ROBO1: variants seen among roughly 807,000 people sequenced by gnomAD.
The protein encoded by ROBO1 is roundabout homolog 1.
ROBO1 carries 149 observed loss-of-function variants against 195.9 expected under a neutral mutation model. The ratio of observed to expected loss-of-function variants is 0.76; its 90% CI spans 0.67 to 0.87. ROBO1 has a LOEUF of 0.87. ROBO1 is among the 40% of genes least tolerant of loss of function. ROBO1 has a pLI of 0.00. For synonymous variants in ROBO1, 816 were observed against 733.2 expected (o/e 1.11, Z -1.82); for missense variants, 1,933 against 2,068.3 (o/e 0.93, Z 1.27).
chr3:78,904,597 G>T (rs1320391606), intron 4 of ROBO1, among the ~76,000 whole-genome samples: 1 of 151,530 alleles, frequency 6.6e-6, no homozygotes, highest in African/African-American at 2.4e-5. Flanking sequence ...CATGCTCTCA[G>T]TAAAGGTTGG....
chr3:79,652,547 T>G (rs1946042338), intron 1 of ROBO1, among the ~76,000 whole-genome samples: 1 of 152,134 alleles, frequency 6.6e-6, no homozygotes. Context: ...CAGAAGAATC[T>G]ATCGCACAGG....
rs1205851062 is a variant in ROBO1 at position 78,657,258 on chromosome 3, C to A, written c.2454G>T (p.Leu818=). 2.5e-6 allele frequency: 4 copies of A among 1,613,516 alleles called. No individual in the cohort carries two copies. Among genetic ancestry groups the A allele is most frequent in the Non-Finnish European group, 3.4e-6 (4 of 1,179,702 alleles). The change falls in exon 18 of 31, where the codon CTG becomes CTT. Residue 818 remains leucine (L), a synonymous_variant. Coordinates refer to ENST00000464233, the MANE Select transcript of ROBO1 (RefSeq NM_002941.4). ...TGATGTGGTATCGAGTTTCATTGCC[C>A]AGACACCAAACCTGTAAGAAGCACA... ...GMVQEYKVWC[L]GNETRYHINK... is the part of the protein sequence containing the mutation.
At chr3:78,957,428 A>C (rs544916597) in intron 3 of ROBO1, among the ~76,000 whole-genome samples, 3 of 152,154 alleles carry the variant, frequency 2.0e-5, no homozygotes, top group African/African-American at 4.8e-5. Flanking sequence ...GTGTGCACTT[A>C]ATCAATGCAT....
chr3:79,747,575 A>G (rs1443895909), intron 1 of ROBO1, among the ~76,000 whole-genome samples: 1 of 152,052 alleles, frequency 6.6e-6, no homozygotes, highest in Admixed American at 6.6e-5. Context: ...GCGGAGTTCC[A>G]GTTTAAACTG....
chr3:78,921,892 T>C (rs1188933059), intron 4 of ROBO1, among the ~76,000 whole-genome samples: 1 of 151,902 alleles, frequency 6.6e-6, no homozygotes, highest in Non-Finnish European at 1.5e-5. Context: ...GTTCAAGCGA[T>C]TCCCCTTCCT....
At chr3:78,828,424 G>T (rs2031836942) in intron 4 of ROBO1, among the ~76,000 whole-genome samples, 3 of 152,182 alleles carry the variant, frequency 2.0e-5, no homozygotes, top group African/African-American at 7.2e-5. Context: ...ATTTGAAAAT[G>T]TGTGTGCTTA....
In ROBO1 at chr3:79,353,303, G is replaced by A. The variant is rs116783226; in HGVS notation, c.89-227764C>T. 8.8e-3 allele frequency among the ~76,000 whole-genome samples: 1,341 copies of A among 152,058 alleles called. 7 individuals are homozygous for A. Among genetic ancestry groups the A allele is most frequent in the Non-Finnish European group, 0.014 (926 of 67,970 alleles). On this transcript the variant is annotated intron_variant, in intron 2 of 30. Coordinates refer to ENST00000464233, the MANE Select transcript of ROBO1 (RefSeq NM_002941.4). The stretch of plus-strand genomic sequence containing the variant: ...CTCTTACATGGGAAATGCTATAATA[G>A]ATATATGATTAAGGTAGAAATATAG...
chr3:79,431,107 C>A (rs549714049), intron 2 of ROBO1, among the ~76,000 whole-genome samples: 3 of 152,126 alleles, frequency 2.0e-5, no homozygotes, highest in Non-Finnish European at 4.4e-5. Flanking sequence ...GAGTAGAGAT[C>A]AGTGTTGGCT....
At chr3:79,525,557 A>T (rs1027451211) in intron 2 of ROBO1, among the ~76,000 whole-genome samples, 4 of 136,914 alleles carry the variant, frequency 2.9e-5, no homozygotes, top group Admixed American at 7.4e-5. Context: ...TATATATATA[A>T]ATATATATAT....
chr3:78,633,144 C>A lies in ROBO1; in HGVS notation c.3481+791G>T, dbSNP rs558318453. ...AAAAGCCCCTAAGAACAACTTTAAT[C>A]CAGTTGCTGGGAAGTGGCATTTCTA... On this transcript the variant is annotated intron_variant, in intron 24 of 30. Transcript: ENST00000464233. Among the ~76,000 whole-genome samples, 14 of 152,284 alleles carry A rather than the reference C, an allele frequency of 9.2e-5. No homozygotes were observed. The East Asian group carries it at 2.7e-3, about 29-fold the overall frequency.
intron 4 of ROBO1, 60 bp downstream of exon 4, chr3:78,938,541 A>G: frequency 6.9e-7 from 1 of 1,452,526 alleles, no homozygotes; most frequent in Non-Finnish European, 9.3e-7. Context: ...TGCCATGATC[A>G]AACAAATGAC....
chr3:79,687,737 T>G (rs1452704947), intron 1 of ROBO1, among the ~76,000 whole-genome samples: 1 of 152,136 alleles, frequency 6.6e-6, no homozygotes, highest in Non-Finnish European at 1.5e-5. Flanking sequence ...CTGGAGAGGA[T>G]GTGGAGAAAT....
intron 2 of ROBO1, among the ~76,000 whole-genome samples, chr3:79,502,005 G>T (rs948380219): frequency 6.6e-6 from 1 of 152,350 alleles, no homozygotes; most frequent in African/African-American, 2.4e-5. Flanking sequence ...ACATATATCG[G>T]TGTAGAGAAA....
At chr3:79,655,684 C>G (rs1428635286) in intron 1 of ROBO1, among the ~76,000 whole-genome samples, 1 of 151,840 alleles carries the variant, frequency 6.6e-6, no homozygotes, top group East Asian at 1.9e-4. Context: ...TAATTGGGAA[C>G]CTAAAGATCT....
At chr3:78,779,398 A>C (rs1442615371) in intron 4 of ROBO1, among the ~76,000 whole-genome samples, 1 of 152,218 alleles carries the variant, frequency 6.6e-6, no homozygotes, top group Non-Finnish European at 1.5e-5. Flanking sequence ...AAGAACTTAC[A>C]CAAACTTACA....
chr3:78,603,681 C>T (rs12496962), intron 29 of ROBO1, among the ~76,000 whole-genome samples: 53,808 of 151,958 alleles, frequency 0.35, 10,564 homozygotes, highest in Admixed American at 0.45. Flanking sequence ...CAGGATACCT[C>T]TTTCACTATA....
At chr3:79,540,603 A>G (rs893363771) in intron 2 of ROBO1, among the ~76,000 whole-genome samples, 1 of 152,084 alleles carries the variant, frequency 6.6e-6, no homozygotes, top group African/African-American at 2.4e-5. Context: ...TTTCCTTCTG[A>G]TGATCTCTTT....
At position 78,633,456 on chromosome 3, in the gene ROBO1, C is replaced by T. The variant is rs183008077; in HGVS notation, c.3481+479G>A. 1.9e-3 allele frequency among the ~76,000 whole-genome samples: 295 copies of T among 152,144 alleles called. 1 individual carries two copies. Among genetic ancestry groups the T allele is most frequent in the African/African-American group, 6.8e-3 (281 of 41,520 alleles). On this transcript the variant is annotated intron_variant, in intron 24 of 30. Transcript: ENST00000464233. ...GGCTTCAGAGCAAGAACTGAGGGAT[C>T]GTAGAGGGATGATAAACTGAGACAG... is the stretch of plus-strand genomic sequence containing the variant.
chr3:78,806,515 G>A (rs1004767815), intron 4 of ROBO1, among the ~76,000 whole-genome samples: 1 of 152,164 alleles, frequency 6.6e-6, no homozygotes, highest in African/African-American at 2.4e-5. Flanking sequence ...GAAAAGTAAT[G>A]AGTGTGGACG....
Sources: allele counts gnomAD v4.1 joint callset (sites outside exome capture counted in the v4.1 genomes callset), GRCh38; gene constraint gnomAD v4.1.1; transcripts MANE v1.5; gene names NCBI Gene and HGNC (gene_info 2026-07-23, HGNC 2026-07-21).